The following GALNT2 variants were observed in gnomAD, a reference collection of about 807,000 sequenced individuals.
GALNT2 encodes polypeptide N-acetylgalactosaminyltransferase 2, also known as UDP-GalNAc:polypeptide N-acetylgalactosaminyltransferase 2.
Under a neutral mutation model 81.4 loss-of-function variants are expected in GALNT2, and 31 were observed. The ratio of observed to expected loss-of-function variants is 0.38; its 90% CI spans 0.29 to 0.51. The LOEUF is 0.51. GALNT2 is among the 20% of genes least tolerant of loss of function. The pLI is 0.87. For missense variants in GALNT2, 629 were observed against 765.7 expected (o/e 0.82, Z 2.11); for synonymous variants, 303 against 287.4 (o/e 1.05, Z -0.55).
intron 1 of GALNT2, among the ~76,000 whole-genome samples, chr1:230,082,541 C>A (rs890090638): frequency 2.6e-5 from 4 of 152,256 alleles, no homozygotes; most frequent in African/African-American, 9.6e-5. Context: ...CTCCTTATCC[C>A]TACTTCCTCA....
chr1:230,189,911 G>T (rs986938689), intron 2 of GALNT2, among the ~76,000 whole-genome samples: 1 of 152,108 alleles, frequency 6.6e-6, no homozygotes, highest in Non-Finnish European at 1.5e-5. Flanking sequence ...CTTTATTTCT[G>T]GCTTGTTCAC....
rs971969979 is a variant in GALNT2, at chr1:230,243,653, C to T, written c.729+226C>T. Among the ~76,000 whole-genome samples the T allele has an allele frequency of 3.9e-5, 6 of 152,216 alleles. No homozygotes were observed. The highest frequency in any genetic ancestry group is 1.9e-4 in the East Asian group (1 of 5,198). The stretch of plus-strand genomic sequence containing the variant: ...GAATCCATCAGTAGGAGGAACCATC[C>T]GTTGACAGGTAGGAGGCGAGGATCA... On this transcript the variant is annotated intron_variant, in intron 7 of 15. Coordinates refer to ENST00000366672, the MANE Select transcript of GALNT2 (RefSeq NM_004481.5). This position sits in a 1 kb window ranked among gnomAD's most constrained non-coding sequence, Gnocchi z 4.2.
chr1:230,193,651 G>A lies in GALNT2; in HGVS notation c.221-9486G>A, dbSNP rs11584627. On this transcript the variant is annotated intron_variant, in intron 2 of 15. Transcript: ENST00000366672. The surrounding 1 kb of genome is among the most constrained non-coding windows in gnomAD (Gnocchi z 4.3). The stretch of plus-strand genomic sequence containing the variant: ...TTTTAAGAAAGAAGTGGCATTGTTT[G>A]GAAAGGTAGCATTATTTTAAACCAA... 0.22 allele frequency among the ~76,000 whole-genome samples: 34,101 copies of A among 151,988 alleles called. 4,763 individuals are homozygous for A. Among genetic ancestry groups the A allele is most frequent in the Non-Finnish European group, 0.31 (21,297 of 67,942 alleles).
chr1:230,060,300 C>T (rs1659016861), intron 1 of GALNT2, among the ~76,000 whole-genome samples: 1 of 152,064 alleles, frequency 6.6e-6, no homozygotes. Context: ...TTCTTTGTTT[C>T]TGGGATAGTT....
At chr1:230,263,841 C>A (rs187136959) in intron 13 of GALNT2, 1 of 152,400 alleles carries the variant, frequency 6.6e-6, no homozygotes, top group South Asian at 2.1e-4. Context: ...CCACCATTAT[C>A]TTTCCGCTAA....
chr1:230,187,884 T>G (rs1012034681), intron 2 of GALNT2, among the ~76,000 whole-genome samples: 1 of 151,724 alleles, frequency 6.6e-6, no homozygotes, highest in Non-Finnish European at 1.5e-5. Flanking sequence ...TCCGGCTGTT[T>G]CTTCTCTCCT....
In GALNT2 at chr1:230,102,089, A is replaced by AGCTAATTTTAGGT. The variant is rs754705430; in HGVS notation, c.126+34688_126+34700dup. On this transcript the variant is annotated intron_variant, in intron 1 of 15. Coordinates refer to ENST00000366672, the MANE Select transcript of GALNT2 (RefSeq NM_004481.5). ...AGTGCAAAGACACATCTATCAGAGAAGCTAATTTTAGGTGCTAGTAAGTTT... is the reference window on the plus strand; with the variant it reads ...AGTGCAAAGACACATCTATCAGAGAAGCTAATTTTAGGTGCTAATTTTAGGTGCTAGTAAGTTT... 6.9e-4 allele frequency among the ~76,000 whole-genome samples: 105 copies of AGCTAATTTTAGGT among 152,350 alleles called. No homozygotes were observed. In the Middle Eastern group the frequency reaches 0.01, roughly 15 times the overall value.
At chr1:230,116,273 A>G (rs992083623) in intron 1 of GALNT2, among the ~76,000 whole-genome samples, 2 of 152,024 alleles carry the variant, frequency 1.3e-5, no homozygotes, top group Admixed American at 1.3e-4. Flanking sequence ...CTATGTCACC[A>G]GGCTGGAGTG....
At chr1:230,106,952 C>T (rs1223889221) in intron 1 of GALNT2, among the ~76,000 whole-genome samples, 3 of 152,206 alleles carry the variant, frequency 2.0e-5, no homozygotes, top group Non-Finnish European at 4.4e-5. Context: ...CCCATGGGCT[C>T]CTTGTAGCAA....
intron 14 of GALNT2, among the ~76,000 whole-genome samples, chr1:230,270,646 T>C (rs1016880918): frequency 1.3e-5 from 2 of 152,234 alleles, no homozygotes; most frequent in Non-Finnish European, 2.9e-5. Context: ...GATGCTTTTT[T>C]GCATAGCGTG....
chr1:230,209,584 G>A (rs959709696), intron 3 of GALNT2, among the ~76,000 whole-genome samples: 1 of 152,224 alleles, frequency 6.6e-6, no homozygotes, highest in Non-Finnish European at 1.5e-5. Flanking sequence ...GCTCATGCCT[G>A]TAATCCCAGC....
intron 1 of GALNT2, among the ~76,000 whole-genome samples, chr1:230,113,908 T>C: frequency 6.6e-6 from 1 of 151,840 alleles, no homozygotes; most frequent in South Asian, 2.1e-4. Flanking sequence ...ATTTGTTTTT[T>C]GTTTTTTTTT....
At chr1:230,218,806 C>T (rs1221870505) in intron 3 of GALNT2, among the ~76,000 whole-genome samples, 1 of 152,196 alleles carries the variant, frequency 6.6e-6, no homozygotes, top group East Asian at 1.9e-4. Context: ...AGTCCCCAAC[C>T]CCTAAGCCGT....
intron 1 of GALNT2, among the ~76,000 whole-genome samples, chr1:230,151,107 C>G (rs1406878481): frequency 6.6e-6 from 1 of 152,208 alleles, no homozygotes; most frequent in Non-Finnish European, 1.5e-5. Context: ...TGTTCAGGAT[C>G]TTGTGTGGTG....
At chr1:230,175,719 T>C (rs1212001441) in intron 1 of GALNT2, among the ~76,000 whole-genome samples, 1 of 147,154 alleles carries the variant, frequency 6.8e-6, no homozygotes, top group African/African-American at 2.6e-5. Flanking sequence ...ATTTTTACTG[T>C]AGGAGCAGGT....
In GALNT2 at chr1:230,161,145, G is replaced by A. The variant is rs572681896; in HGVS notation, c.127-17073G>A. Reference sequence around the variant, plus strand: ...TTCTTACAGTCCTGTGACTGTCTGGGCGGTCCTTTTGCTAACTTCCCCAGG... The same window carrying A: ...TTCTTACAGTCCTGTGACTGTCTGGACGGTCCTTTTGCTAACTTCCCCAGG... On this transcript the variant is annotated intron_variant, in intron 1 of 15. Coordinates refer to ENST00000366672, the MANE Select transcript of GALNT2 (RefSeq NM_004481.5). Among the ~76,000 whole-genome samples the A allele has an allele frequency of 2.1e-4, 32 of 152,336 alleles. No homozygotes were observed. The South Asian group carries it at 6.2e-3, about 30-fold the overall frequency.
intron 2 of GALNT2, among the ~76,000 whole-genome samples, chr1:230,180,439 T>C (rs138893678): frequency 6.6e-6 from 1 of 152,140 alleles, no homozygotes; most frequent in East Asian, 1.9e-4. Flanking sequence ...TGGTTCTATA[T>C]TGGAGCTCTT....
intron 1 of GALNT2, among the ~76,000 whole-genome samples, chr1:230,127,929 C>T (rs993438706): frequency 5.3e-5 from 8 of 152,234 alleles, no homozygotes; most frequent in Non-Finnish European, 1.2e-4. Flanking sequence ...GTGAAGCCAG[C>T]CGCTGTGGCC....
intron 1 of GALNT2, among the ~76,000 whole-genome samples, chr1:230,092,185 T>TGTTTTTTTTTTTTTTTTTTTTTTTTTTTG (rs371156205): frequency 2.6e-5 from 3 of 114,280 alleles, no homozygotes; most frequent in African/African-American, 6.5e-5. Flanking sequence ...AGTTTTTTTT[T>TGTTTTTTTTTTTTTTTTTTTTTTTTTTTG]TTTTTTTTTT....
Sources: allele counts gnomAD v4.1 joint callset (sites outside exome capture counted in the v4.1 genomes callset), GRCh38; gene constraint gnomAD v4.1.1; non-coding constraint Gnocchi (gnomAD v3.1); transcripts MANE v1.5; gene names NCBI Gene and HGNC (gene_info 2026-07-23, HGNC 2026-07-21).